The following MAP3K20 variants were observed in gnomAD, a reference collection of about 807,000 sequenced individuals.
MAP3K20 encodes mitogen-activated protein kinase kinase kinase 20.
Under a neutral mutation model 85.7 loss-of-function variants are expected in MAP3K20, and 40 were observed. The observed-to-expected ratio is 0.47, with a 90% confidence interval of 0.36 to 0.61. MAP3K20 has a LOEUF of 0.61. Among genes scored for constraint, MAP3K20 ranks in the 20% least tolerant of loss-of-function variants. The pLI, the probability that MAP3K20 is intolerant of heterozygous loss-of-function variation, is 0.00. For synonymous variants in MAP3K20, 325 were observed against 327.7 expected (o/e 0.99, Z 0.09); for missense variants, 817 against 961.7 (o/e 0.85, Z 1.99).
intron 2 of MAP3K20, among the ~76,000 whole-genome samples, chr2:173,147,595 T>A (rs1689171727): frequency 6.6e-6 from 1 of 152,090 alleles, no homozygotes; most frequent in Non-Finnish European, 1.5e-5. Flanking sequence ...CAGCCTTTTT[T>A]TTCTTTTTTT....
At chr2:173,149,680 C>T (rs1167785979) in intron 2 of MAP3K20, among the ~76,000 whole-genome samples, 1 of 152,046 alleles carries the variant, frequency 6.6e-6, no homozygotes, top group Admixed American at 6.6e-5. Flanking sequence ...GTGCTGAGTA[C>T]TGAGGAGTAC....
chr2:173,250,802 T>C (rs1285119197), intron 16 of MAP3K20, among the ~76,000 whole-genome samples: 1 of 152,194 alleles, frequency 6.6e-6, no homozygotes, highest in Non-Finnish European at 1.5e-5. Context: ...GAGTTTCTTG[T>C]GGATTTCTTT....
rs1283624689 is a variant in MAP3K20 at position 173,256,530 on chromosome 2, T to TAGACAGACAGAC, written c.1360-2161_1360-2150dup. Among the ~76,000 whole-genome samples the TAGACAGACAGAC allele has an allele frequency of 3.2e-4, 48 of 148,332 alleles. No homozygotes were observed. In the East Asian group the frequency reaches 3.7e-3, roughly 11 times the overall value. On this transcript the variant is annotated intron_variant, in intron 16 of 19. Transcript: ENST00000375213. ...ATAGATAGATAGATAGATAGATAGATAGACAGACAGACAGACAGATAGAGA... is the reference window on the plus strand; with the variant it reads ...ATAGATAGATAGATAGATAGATAGATAGACAGACAGACAGACAGACAGACAGACAGATAGAGA...
intron 16 of MAP3K20, among the ~76,000 whole-genome samples, chr2:173,250,007 A>T (rs555739285): frequency 6.6e-6 from 1 of 152,362 alleles, no homozygotes; most frequent in South Asian, 2.1e-4. Flanking sequence ...ACTTGGCACC[A>T]GTCTGCCCTG....
chr2:173,216,418 A>T (rs190543548), intron 10 of MAP3K20, among the ~76,000 whole-genome samples: 1 of 152,198 alleles, frequency 6.6e-6, no homozygotes, highest in Non-Finnish European at 1.5e-5. Flanking sequence ...CTTTTATAAA[A>T]TAATGAAAAT....
chr2:173,249,976 A>G (rs1008984645), intron 16 of MAP3K20, among the ~76,000 whole-genome samples: 2 of 152,064 alleles, frequency 1.3e-5, no homozygotes, highest in Admixed American at 1.3e-4. Context: ...CAATATAACA[A>G]CCTTATCTCC....
chr2:173,099,984 A>G (rs960803285), intron 2 of MAP3K20, among the ~76,000 whole-genome samples: 4 of 152,212 alleles, frequency 2.6e-5, no homozygotes, highest in African/African-American at 9.6e-5. Context: ...TCACAACTGT[A>G]CCCCACAGTC....
intron 2 of MAP3K20, among the ~76,000 whole-genome samples, chr2:173,157,849 T>C (rs955960713): frequency 2.0e-5 from 3 of 152,222 alleles, no homozygotes; most frequent in Non-Finnish European, 4.4e-5. Flanking sequence ...GGAAATCTTA[T>C]AGTGGGGACA....
At chr2:173,196,525 T>C (rs1690846282) in intron 7 of MAP3K20, among the ~76,000 whole-genome samples, 1 of 152,178 alleles carries the variant, frequency 6.6e-6, no homozygotes. Flanking sequence ...GAGGCTTCAG[T>C]GAATTTTTTT....
chr2:173,140,361 T>C (rs749751631), intron 2 of MAP3K20, among the ~76,000 whole-genome samples: 1 of 151,576 alleles, frequency 6.6e-6, no homozygotes, highest in African/African-American at 2.4e-5. Context: ...CCAGATTTTT[T>C]TTTTGAGATG....
intron 10 of MAP3K20, among the ~76,000 whole-genome samples, chr2:173,214,828 C>G (rs1424544568): frequency 6.6e-6 from 1 of 152,120 alleles, no homozygotes; most frequent in Non-Finnish European, 1.5e-5. Context: ...TCAACAAATG[C>G]ATTTGATGCA....
chr2:173,095,221 G>T (rs765103593), intron 2 of MAP3K20, among the ~76,000 whole-genome samples: 3 of 152,028 alleles, frequency 2.0e-5, no homozygotes, highest in Non-Finnish European at 2.9e-5. Context: ...GTGTCCTTTT[G>T]GTATGTCGCT....
chr2:173,079,641 A>C (rs1573993735), intron 1 of MAP3K20, among the ~76,000 whole-genome samples: 1 of 147,536 alleles, frequency 6.8e-6, no homozygotes, highest in Admixed American at 6.7e-5. Flanking sequence ...TTTTTTTTCT[A>C]TTTTTAAATT....
intron 16 of MAP3K20, among the ~76,000 whole-genome samples, chr2:173,257,176 T>G (rs1685180699): frequency 1.3e-5 from 2 of 152,008 alleles, no homozygotes. Flanking sequence ...AAAAATTGTT[T>G]TAATAATCAC....
At chr2:173,210,937 G>A (rs964350025) in intron 10 of MAP3K20, 3 of 152,096 alleles carry the variant, frequency 2.0e-5, no homozygotes, top group South Asian at 2.1e-4. Context: ...GGCTAGTGAG[G>A]TAAATGAATT....
chr2:173,114,196 T>C (rs1171881279), intron 2 of MAP3K20, among the ~76,000 whole-genome samples: 1 of 152,192 alleles, frequency 6.6e-6, no homozygotes, highest in Non-Finnish European at 1.5e-5. Context: ...TTGTCTGATA[T>C]TAGAATAGCT....
At chr2:173,222,657 T>C in intron 11 of MAP3K20, 1 of 985,006 alleles carries the variant, frequency 1.0e-6, no homozygotes, top group Non-Finnish European at 1.2e-6. Context: ...AAAGAGGAAA[T>C]TAAATATTAT....
intron 11 of MAP3K20, chr2:173,221,993 T>C (rs1303070997): frequency 1.0e-6 from 1 of 985,456 alleles, no homozygotes; most frequent in Non-Finnish European, 1.2e-6. Context: ...TACACTGTAA[T>C]ATCAGAAATG....
intron 7 of MAP3K20, among the ~76,000 whole-genome samples, chr2:173,194,995 T>C (rs907889310): frequency 6.6e-6 from 1 of 152,096 alleles, no homozygotes; most frequent in Non-Finnish European, 1.5e-5. Flanking sequence ...ATCCTTGCTC[T>C]TAAGCTGGTA....
Sources: gnomAD v4.1 joint callset for allele counts (sites outside exome capture counted in the v4.1 genomes callset) on GRCh38, gnomAD v4.1.1 for gene constraint, MANE v1.5 for transcripts, NCBI Gene and HGNC (gene_info 2026-07-23, HGNC 2026-07-21) for gene names.